The following KNDC1 variants were observed in gnomAD, a reference collection of about 807,000 sequenced individuals.
KNDC1 encodes the protein kinase non-catalytic C-lobe domain containing 1.
In KNDC1, 106 loss-of-function variants were observed where a neutral mutation model predicts 172.8. The ratio of observed to expected loss-of-function variants is 0.61; its 90% CI spans 0.52 to 0.72. The LOEUF is 0.72. Ranked by LOEUF, KNDC1 falls within the 30% of genes least tolerant of loss-of-function variation. The pLI is 0.00. For missense variants in KNDC1, 2,325 were observed against 2,394.5 expected (o/e 0.97, Z 0.61); for synonymous variants, 1,083 against 1,062.2 (o/e 1.02, Z -0.38).
chr10:133,206,967 G>C lies in KNDC1; in HGVS notation c.3579+14G>C. 2.5e-6 allele frequency: 4 copies of C among 1,611,554 alleles called. No individual in the cohort carries two copies. Among genetic ancestry groups the C allele is most frequent in the Non-Finnish European group, 3.4e-6 (4 of 1,177,824 alleles). ...AAGTATCTGCAGGCAAGTGGGCTCC[G>C]GGCCCCGCTCTGCCCCGTGAGGCAG... On this transcript the variant is annotated intron_variant, in intron 19 of 29. Coordinates refer to ENST00000304613, the MANE Select transcript of KNDC1 (RefSeq NM_152643.8).
intron 3 of KNDC1, among the ~76,000 whole-genome samples, chr10:133,175,990 A>G (rs565445752): frequency 1.5e-5 from 2 of 132,578 alleles, no homozygotes; most frequent in South Asian, 2.8e-4. Context: ...GGGTGAATGC[A>G]TGGATGGATG....
At chr10:133,201,285 C>G (rs902149027) in intron 16 of KNDC1, among the ~76,000 whole-genome samples, 1 of 152,198 alleles carries the variant, frequency 6.6e-6, no homozygotes, top group Non-Finnish European at 1.5e-5. Context: ...TGGGGAGAGG[C>G]CTCTCTCTGT....
Position 133,183,359 on chromosome 10 carries a change from CTG to C in KNDC1, c.377_378del (p.Leu126ArgfsTer43), listed in dbSNP as rs1564882049. ...GNTFEAHIYS[L>X]GATLKAALEY... ...GTGCCCACAGGCGCACATCTACTCTCTGGGGGCCACGCTGAAGGCCGCCCTCG... is the reference window on the plus strand; with the variant it reads ...GTGCCCACAGGCGCACATCTACTCTCGGGGCCACGCTGAAGGCCGCCCTCG... On this transcript the variant is annotated frameshift_variant, in exon 4 of 30. Coordinates refer to ENST00000304613, the MANE Select transcript of KNDC1 (RefSeq NM_152643.8). LOFTEE classifies it high-confidence loss of function. The C allele has an allele frequency of 6.3e-7, 1 of 1,596,724 alleles. No homozygotes were observed. Among genetic ancestry groups the C allele is most frequent in the Admixed American group, 1.7e-5 (1 of 57,620 alleles).
At position 133,204,120 on chromosome 10, in the gene KNDC1, G is replaced by A. The variant is rs570375719; in HGVS notation, c.3387+2222G>A. 2.4e-3 allele frequency among the ~76,000 whole-genome samples: 373 copies of A among 152,308 alleles called. 1 individual carries two copies. The highest frequency in any genetic ancestry group is 3.7e-3 in the Non-Finnish European group (254 of 68,016). ...GGGGGCCGGACGAGGGCCCCATGGTGCAGGCCATGGGGGAACGTGGCCACC... is the reference window on the plus strand; with the variant it reads ...GGGGGCCGGACGAGGGCCCCATGGTACAGGCCATGGGGGAACGTGGCCACC... On this transcript the variant is annotated intron_variant, in intron 17 of 29. Coordinates refer to ENST00000304613, the MANE Select transcript of KNDC1 (RefSeq NM_152643.8).
intron 23 of KNDC1, among the ~76,000 whole-genome samples, chr10:133,212,133 C>T (rs1845380804): frequency 6.6e-6 from 1 of 152,048 alleles, no homozygotes; most frequent in Non-Finnish European, 1.5e-5. Context: ...TGCACACGCA[C>T]GTGCACCTTC....
intron 2 of KNDC1, among the ~76,000 whole-genome samples, chr10:133,167,794 C>T (rs908949052): frequency 2.0e-5 from 3 of 152,194 alleles, no homozygotes; most frequent in South Asian, 2.1e-4. Context: ...GTCACGCCTA[C>T]CCTCAGACAC....
At chr10:133,199,734 G>GCGGAGACATCTTGT in intron 15 of KNDC1, 132 bp downstream of exon 15, 1 of 1,058,930 alleles carries the variant, frequency 9.4e-7, no homozygotes, top group Non-Finnish European at 1.4e-6. Flanking sequence ...CTCCAGAGGG[G>GCGGAGACATCTTGT]CTACCCTTGG....
chr10:133,186,057 C>T lies in KNDC1; in HGVS notation c.709C>T (p.Pro237Ser), dbSNP rs1237955467. 1.9e-6 allele frequency: 3 copies of T among 1,600,138 alleles called. No homozygotes were observed. Among genetic ancestry groups the T allele is most frequent in the Non-Finnish European group, 2.6e-6 (3 of 1,174,770 alleles). ...GCCGCCCGGGGACCCCAGCACTGAC[C>T]CGGAGGTTCTGCCGACCCCCGAAGG... is the stretch of plus-strand genomic sequence containing the variant. ...RRPPGDPSTD[P>S]EVLPTPEGPE... is the part of the protein sequence containing the mutation. The change falls in exon 6 of 30, where the codon CCG becomes TCG. Residue 237 changes from proline to serine, a missense_variant. Physicochemically the swap from Pro to Ser is moderately conservative, Grantham distance 74 (BLOSUM62 -1). Coordinates refer to ENST00000304613, the MANE Select transcript of KNDC1 (RefSeq NM_152643.8).
intron 26 of KNDC1, among the ~76,000 whole-genome samples, chr10:133,215,870 G>C (rs1195757378): frequency 6.6e-6 from 1 of 152,252 alleles, no homozygotes; most frequent in African/African-American, 2.4e-5. Context: ...GCGTGGCCGG[G>C]ACAGAGCTCG....
intron 3 of KNDC1, among the ~76,000 whole-genome samples, chr10:133,171,513 C>A (rs2135953415): frequency 6.6e-6 from 1 of 151,706 alleles, no homozygotes; most frequent in Middle Eastern, 3.4e-3. Context: ...TTCAAGTGAT[C>A]CTCTCCCCTT....
At chr10:133,167,110 G>A (rs1165239048) in intron 1 of KNDC1, 20 of 512,014 alleles carry the variant, frequency 3.9e-5, no homozygotes, top group South Asian at 1.8e-4. Context: ...CCGAGCCTCC[G>A]GGAGGAAGGC....
At position 133,197,112 on chromosome 10, in the gene KNDC1, C is replaced by T. The variant is rs1362024158; in HGVS notation, c.1789C>T (p.His597Tyr). The T allele has an allele frequency of 2.5e-6, 4 of 1,613,052 alleles. No homozygotes were observed. Among genetic ancestry groups the T allele is most frequent in the Non-Finnish European group, 3.4e-6 (4 of 1,179,824 alleles). The stretch of plus-strand genomic sequence containing the variant: ...CATGGACAGCCGGAAAATCCTTGCC[C>T]ACCTCAGAGCTTCCATCTGCCAGGT... ...RGMDSRKILA[H>Y]LRASICQVYQ... Residue 597 changes from histidine to tyrosine, a missense_variant, in exon 11 of 30, where the codon CAC (histidine) becomes TAC (tyrosine). By Grantham distance (83) the His-to-Tyr change is moderately conservative. Coordinates refer to ENST00000304613, the MANE Select transcript of KNDC1 (RefSeq NM_152643.8).
intron 26 of KNDC1, 33 bp from the exon 27 acceptor site, chr10:133,218,798 G>T: frequency 1.2e-6 from 2 of 1,602,358 alleles, no homozygotes; most frequent in Non-Finnish European, 1.7e-6. Flanking sequence ...TCTTAAACCA[G>T]AAGACGCTGA....
In KNDC1 at chr10:133,207,147, CG is replaced by C; in HGVS notation, c.3592del (p.Glu1198AsnfsTer12). The C allele has an allele frequency of 3.1e-6, 5 of 1,591,024 alleles. No homozygotes were observed. The highest frequency in any genetic ancestry group is 4.3e-6 in the Non-Finnish European group (5 of 1,169,834). The stretch of plus-strand genomic sequence containing the variant: ...GTCCCGCTCCGGCAGGTCATGTACG[CG>C]GAACGCTGGGGCCTGGAGCCCTGCA... The part of the protein sequence containing the change: ...LVKKYLQVMY[A>X]ERWGLEPCTL... On this transcript the variant is annotated frameshift_variant, in exon 20 of 30. Transcript: ENST00000304613. LOFTEE classifies it high-confidence loss of function.
At chr10:133,168,457 G>A in intron 3 of KNDC1, 145 bp downstream of exon 3, 2 of 815,008 alleles carry the variant, frequency 2.5e-6, no homozygotes, top group Non-Finnish European at 2.1e-6. Flanking sequence ...CCGGTTCACT[G>A]GGCTATAGGG....
At position 133,186,220 on chromosome 10, in the gene KNDC1, A is replaced by T; in HGVS notation, c.872A>T (p.Glu291Val). ...LVLDAERTLG[E>V]LDRDALRRSR... ...CTGGATGCCGAGCGCACCCTCGGGGAGCTGGACAGAGACGCCCTCAGGAGA... is the reference window on the plus strand; with the variant it reads ...CTGGATGCCGAGCGCACCCTCGGGGTGCTGGACAGAGACGCCCTCAGGAGA... Residue 291 changes from glutamate (E) to valine (V), a missense_variant, in exon 6 of 30, where the codon GAG becomes GTG. Physicochemically the swap from Glu to Val is moderately radical, Grantham distance 121 (BLOSUM62 -2). Transcript: ENST00000304613. 2 of 1,580,992 alleles carry T rather than the reference A, an allele frequency of 1.3e-6. No homozygotes were observed. The highest frequency in any genetic ancestry group is 1.7e-6 in the Non-Finnish European group (2 of 1,164,408).
rs768455025 is a variant in KNDC1, at chr10:133,199,468, C to G, written c.2769C>G (p.Ile923Met). 3.0e-5 allele frequency: 48 copies of G among 1,613,592 alleles called. No homozygotes were observed. Among genetic ancestry groups the G allele is most frequent in the Non-Finnish European group, 4.0e-5 (47 of 1,179,922 alleles). ...GTTTTGCAAAACCAGGGGAGTACAT[C>G]TTCGCCTTGAAAGATCTCACCTTTG... The part of the protein sequence containing the change: ...GLEALIMGEY[I>M]FALKDLTFAT... The change falls in exon 15 of 30, where the codon ATC (isoleucine) becomes ATG (methionine). Residue 923 changes from isoleucine (I) to methionine (M), a missense_variant. Coordinates refer to ENST00000304613, the MANE Select transcript of KNDC1 (RefSeq NM_152643.8).
At chr10:133,208,479 G>A (rs184296488) in intron 20 of KNDC1, among the ~76,000 whole-genome samples, 1 of 45,436 alleles carries the variant, frequency 2.2e-5, no homozygotes. Flanking sequence ...ACCCTCTAGA[G>A]AGGGACGTGG....
At chr10:133,208,721 A>G (rs1442981754) in intron 20 of KNDC1, among the ~76,000 whole-genome samples, 1 of 152,170 alleles carries the variant, frequency 6.6e-6, no homozygotes, top group Admixed American at 6.5e-5. Flanking sequence ...CGCCCACCGC[A>G]GGGTCTCTGT....
Sources: allele counts gnomAD v4.1 joint callset (sites outside exome capture counted in the v4.1 genomes callset), GRCh38; gene constraint gnomAD v4.1.1; transcripts MANE v1.5; gene names NCBI Gene and HGNC (gene_info 2026-07-23, HGNC 2026-07-21).